Variants in EP400 observed in about 807,000 individuals in gnomAD.
EP400 encodes E1A binding protein p400.
In EP400, 105 loss-of-function variants were observed where a neutral mutation model predicts 354.1. That is an observed-to-expected ratio of 0.30 (90% CI 0.25 to 0.35). The LOEUF is 0.35. Among genes scored for constraint, EP400 ranks in the 10% least tolerant of loss-of-function variants. EP400 has a pLI of 1.00. For synonymous variants in EP400, 1,646 were observed against 1,716.9 expected, an observed-to-expected ratio of 0.96 and a Z score of 1.02; for missense variants, 3,280 against 4,121.0, an observed-to-expected ratio of 0.80 and a Z score of 5.59.
intron 39 of EP400, 34 bp downstream of exon 39, chr12:132,045,934 C>A: frequency 6.2e-7 from 1 of 1,609,118 alleles, no homozygotes; most frequent in South Asian, 1.1e-5. Flanking sequence ...TCGAGGAGAG[C>A]ACAGGCAGGT....
intron 11 of EP400, among the ~76,000 whole-genome samples, chr12:131,993,052 A>G (rs1254712958): frequency 6.6e-6 from 1 of 152,268 alleles, no homozygotes; most frequent in African/African-American, 2.4e-5. Context: ...ACAGTGTGGC[A>G]GATGAGTGAG....
chr12:131,979,682 CT>C lies in EP400; in HGVS notation c.1336-6del. 1 of 1,595,494 alleles carries C rather than the reference CT, an allele frequency of 6.3e-7. No individual in the cohort carries two copies. The highest frequency in any genetic ancestry group is 1.1e-5 in the South Asian group (1 of 87,886). On this transcript the variant is annotated splice_polypyrimidine_tract_variant and intron_variant, in intron 2 of 52. Transcript: ENST00000389561. ...AGTGATCAAAATCTCATTTTTTCAT[CT>C]TTTTTCCCAGCAGCAAGCCCTCGCA...
intron 1 of EP400, among the ~76,000 whole-genome samples, chr12:131,954,040 G>C (rs1891607362): frequency 1.3e-5 from 2 of 152,078 alleles, no homozygotes; most frequent in South Asian, 4.1e-4. Context: ...TTGAGCCCAG[G>C]AGACAGAGGT....
At chr12:131,958,845 G>A (rs183482678) in intron 1 of EP400, among the ~76,000 whole-genome samples, 3 of 152,284 alleles carry the variant, frequency 2.0e-5, no homozygotes, top group Admixed American at 2.0e-4. Context: ...GTAGATTCAT[G>A]GTTTTTAAAA....
At chr12:131,972,099 C>T (rs1892303519) in intron 2 of EP400, among the ~76,000 whole-genome samples, 2 of 151,782 alleles carry the variant, frequency 1.3e-5, no homozygotes, top group African/African-American at 4.8e-5. Context: ...TGGAAACATC[C>T]ATTGCTTTAG....
chr12:131,951,468 A>G (rs1395344733), intron 1 of EP400, among the ~76,000 whole-genome samples: 2 of 152,140 alleles, frequency 1.3e-5, no homozygotes, highest in African/African-American at 4.8e-5. Flanking sequence ...GGCGTGAGCT[A>G]CCGCGCCGGG....
chr12:131,951,655 G>T (rs1276477807), intron 1 of EP400, among the ~76,000 whole-genome samples: 1 of 152,114 alleles, frequency 6.6e-6, no homozygotes, highest in African/African-American at 2.4e-5. Flanking sequence ...AGGCTGGAGT[G>T]CAGTGGCGCG....
chr12:132,026,679 T>A (rs746992477), intron 25 of EP400, among the ~76,000 whole-genome samples: 8 of 152,070 alleles, frequency 5.3e-5, no homozygotes, highest in Non-Finnish European at 1.0e-4. Flanking sequence ...GTGGAAGCCC[T>A]CCTCAGCTTC....
At chr12:132,062,390 G>C in intron 46 of EP400, 67 bp downstream of exon 46, 1 of 1,610,232 alleles carries the variant, frequency 6.2e-7, no homozygotes, top group Non-Finnish European at 8.5e-7. Context: ...CTCAGCTGCT[G>C]CTTGCTGTCT....
intron 2 of EP400, among the ~76,000 whole-genome samples, chr12:131,975,344 T>C (rs965740090): frequency 9.2e-5 from 14 of 152,184 alleles, no homozygotes; most frequent in African/African-American, 3.4e-4. Flanking sequence ...CTGTTCCCCA[T>C]TGGATTGCCT....
chr12:132,036,819 G>A (rs1894734106), intron 30 of EP400, among the ~76,000 whole-genome samples: 1 of 152,240 alleles, frequency 6.6e-6, no homozygotes, highest in Non-Finnish European at 1.5e-5. Context: ...CCAGGTGGTG[G>A]TTTGCTGTTG....
rs1460792559 is a variant in EP400, at chr12:132,028,051, A to G, written c.5144A>G (p.Asp1715Gly). Residue 1715 changes from aspartate to glycine, a missense_variant, in exon 27 of 53, where the codon GAT becomes GGT. Physicochemically the swap from Asp to Gly is moderately conservative, Grantham distance 94 (BLOSUM62 -1). Transcript: ENST00000389561. ...EKTRLLKERL[D>G]QIYLVNERRC... ...ACCAGACTCTTGAAAGAGCGCCTGGATCAGATTTATTTAGTCAACGAGCGG... is the reference window on the plus strand; with the variant it reads ...ACCAGACTCTTGAAAGAGCGCCTGGGTCAGATTTATTTAGTCAACGAGCGG... 3 of 1,614,100 alleles carry G rather than the reference A, an allele frequency of 1.9e-6. No individual in the cohort carries two copies. Among genetic ancestry groups the G allele is most frequent in the Admixed American group, 3.3e-5 (2 of 60,024 alleles).
chr12:132,046,109 G>A (rs972933380), intron 39 of EP400, among the ~76,000 whole-genome samples: 1 of 152,224 alleles, frequency 6.6e-6, no homozygotes, highest in Non-Finnish European at 1.5e-5. Flanking sequence ...CAGTGATGGA[G>A]GAGTTCACGT....
chr12:132,001,770 A>G (rs1893424069), intron 12 of EP400, among the ~76,000 whole-genome samples: 1 of 151,740 alleles, frequency 6.6e-6, no homozygotes, highest in African/African-American at 2.4e-5. Flanking sequence ...TCTTCTGGTC[A>G]CTCCTCACTA....
chr12:131,973,975 C>T (rs1227977729), intron 2 of EP400, among the ~76,000 whole-genome samples: 3 of 150,218 alleles, frequency 2.0e-5, no homozygotes, highest in East Asian at 1.9e-4. Context: ...CGTTACTTTA[C>T]GTATGTGTTT....
chr12:131,958,099 G>A (rs183117714), intron 1 of EP400, among the ~76,000 whole-genome samples: 1 of 152,256 alleles, frequency 6.6e-6, no homozygotes, highest in East Asian at 1.9e-4. Context: ...TGTATTGTAA[G>A]GAAATAATCC....
intron 2 of EP400, among the ~76,000 whole-genome samples, chr12:131,976,665 G>T (rs554031847): frequency 2.0e-5 from 3 of 152,238 alleles, no homozygotes; most frequent in Middle Eastern, 3.4e-3. Context: ...AGGCGAGATC[G>T]TACCATTGCA....
chr12:132,012,025 C>G (rs1325209135), intron 16 of EP400, among the ~76,000 whole-genome samples: 2 of 152,220 alleles, frequency 1.3e-5, no homozygotes, highest in African/African-American at 4.8e-5. Context: ...AGAACCATTT[C>G]CACAACATGC....
Position 132,038,694 on chromosome 12 carries a change from C to T in EP400, c.6207+598C>T, listed in dbSNP as rs562033026. 1.1e-3 allele frequency among the ~76,000 whole-genome samples: 165 copies of T among 152,292 alleles called. No homozygotes were observed. The Middle Eastern group carries it at 0.037, about 35-fold the overall frequency. Reference sequence around the variant, plus strand: ...CATGTTTGGGTCCTTTGATTTTTCCCTTTTGGGGGTGCTGCTGTGTAGACA... The same window carrying T: ...CATGTTTGGGTCCTTTGATTTTTCCTTTTTGGGGGTGCTGCTGTGTAGACA... On this transcript the variant is annotated intron_variant, in intron 32 of 52. Coordinates refer to ENST00000389561, the MANE Select transcript of EP400 (RefSeq NM_015409.5). The surrounding 1 kb of genome is among the most constrained non-coding windows in gnomAD (Gnocchi z 4.2).
Sources: gnomAD v4.1 joint callset for allele counts (sites outside exome capture counted in the v4.1 genomes callset) on GRCh38, gnomAD v4.1.1 for gene constraint, Gnocchi (gnomAD v3.1) non-coding constraint, MANE v1.5 for transcripts, NCBI Gene and HGNC (gene_info 2026-07-23, HGNC 2026-07-21) for gene names.